The following MED13L variants were observed in gnomAD, a reference collection of about 807,000 sequenced individuals.
MED13L encodes mediator of RNA polymerase II transcription subunit 13-like.
In MED13L, 7 loss-of-function variants were observed where a neutral mutation model predicts 220.9. The observed-to-expected ratio is 0.03, with a 90% CI of 0.02 to 0.06. The LOEUF is 0.06. Among genes scored for constraint, MED13L ranks in the 10% least tolerant of loss-of-function variants. The probability of loss-of-function intolerance (pLI) is 1.00; values close to 1 mark genes in which losing one functional copy is unlikely to be tolerated. For missense variants in MED13L, 1,965 were observed against 2,760.5 expected (o/e 0.71, Z 6.46); for synonymous variants, 1,011 against 1,015.2 (o/e 1.00, Z 0.08).
chr12:116,166,477 G>A (rs1460082695), intron 2 of MED13L, among the ~76,000 whole-genome samples: 3 of 151,964 alleles, frequency 2.0e-5, no homozygotes, highest in Non-Finnish European at 4.4e-5. Flanking sequence ...CCAACTACTC[G>A]GGAGGCTAAG....
intron 1 of MED13L, among the ~76,000 whole-genome samples, chr12:116,275,304 C>T (rs1471494988): frequency 1.3e-5 from 2 of 151,980 alleles, no homozygotes; most frequent in Non-Finnish European, 2.9e-5. Flanking sequence ...GGGTTTTACT[C>T]CCACATACCA....
chr12:116,196,310 C>T (rs1486356745), intron 2 of MED13L, among the ~76,000 whole-genome samples: 1 of 152,034 alleles, frequency 6.6e-6, no homozygotes, highest in African/African-American at 2.4e-5. Context: ...CCCAAGAACA[C>T]CACAGAGGTC....
chr12:116,007,698 T>A, intron 10 of MED13L, 62 bp from the exon 11 acceptor site: 1 of 1,458,384 alleles, frequency 6.9e-7, no homozygotes, highest in Non-Finnish European at 9.4e-7. Flanking sequence ...TTACAAAGTT[T>A]AAACTTTTTG....
chr12:116,228,312 A>T (rs1199286836), intron 2 of MED13L, among the ~76,000 whole-genome samples: 1 of 152,142 alleles, frequency 6.6e-6, no homozygotes, highest in Admixed American at 6.5e-5. Context: ...ACTAAACAAC[A>T]GGTTTTATTT....
At chr12:116,254,753 G>A (rs1208922695) in intron 1 of MED13L, among the ~76,000 whole-genome samples, 1 of 151,804 alleles carries the variant, frequency 6.6e-6, no homozygotes, top group Non-Finnish European at 1.5e-5. Context: ...GAGACTCTGT[G>A]TCCAAAGGGG....
chr12:116,128,279 C>T (rs1345133262), intron 2 of MED13L, among the ~76,000 whole-genome samples: 1 of 152,000 alleles, frequency 6.6e-6, no homozygotes, highest in African/African-American at 2.4e-5. Context: ...CAAAGTGGAG[C>T]AAAATGCAAC....
At chr12:116,089,518 C>T (rs929978664) in intron 4 of MED13L, among the ~76,000 whole-genome samples, 2 of 152,040 alleles carry the variant, frequency 1.3e-5, no homozygotes, top group African/African-American at 4.8e-5. Context: ...ATAGAGGTGG[C>T]AGAAATATAT....
intron 1 of MED13L, among the ~76,000 whole-genome samples, chr12:116,271,040 C>CATAAAAAA (rs1873274756): frequency 3.3e-5 from 1 of 30,090 alleles, no homozygotes; most frequent in East Asian, 1.1e-3. Context: ...GACTCCGTCT[C>CATAAAAAA]AAAAAAAAAA....
intron 14 of MED13L, among the ~76,000 whole-genome samples, chr12:115,997,486 A>T (rs1878479699): frequency 6.6e-6 from 1 of 152,194 alleles, no homozygotes; most frequent in Non-Finnish European, 1.5e-5. Context: ...CAGTGGCCTG[A>T]TCTTGACTCA....
chr12:116,014,857 G>A (rs1056122813), intron 8 of MED13L, among the ~76,000 whole-genome samples: 1 of 152,026 alleles, frequency 6.6e-6, no homozygotes, highest in African/African-American at 2.4e-5. Flanking sequence ...AAAATATTAG[G>A]TCAACACCAT....
At chr12:116,231,284 G>T (rs1869534022) in intron 2 of MED13L, among the ~76,000 whole-genome samples, 1 of 152,090 alleles carries the variant, frequency 6.6e-6, no homozygotes, top group Non-Finnish European at 1.5e-5. Context: ...CTTAATCAAG[G>T]GATCAAGCTC....
chr12:116,029,574 G>A (rs1880603387), intron 4 of MED13L, among the ~76,000 whole-genome samples: 1 of 152,026 alleles, frequency 6.6e-6, no homozygotes, highest in Non-Finnish European at 1.5e-5. Flanking sequence ...TATGCCAGAT[G>A]AATTCTAACA....
At chr12:116,112,280 T>C (rs1231903479) in intron 2 of MED13L, among the ~76,000 whole-genome samples, 2 of 152,174 alleles carry the variant, frequency 1.3e-5, no homozygotes, top group Non-Finnish European at 2.9e-5. Flanking sequence ...ACTAGTTCAA[T>C]GCAAGACAGC....
At chr12:116,117,666 AC>A (rs1482912546) in intron 2 of MED13L, among the ~76,000 whole-genome samples, 7 of 151,872 alleles carry the variant, frequency 4.6e-5, no homozygotes, top group Admixed American at 2.0e-4. Context: ...AGTATTAAAA[AC>A]AAAAAAAAAA....
chr12:116,021,875 T>C (rs1431465264), intron 5 of MED13L, among the ~76,000 whole-genome samples: 1 of 152,172 alleles, frequency 6.6e-6, no homozygotes, highest in Non-Finnish European at 1.5e-5. Flanking sequence ...TGGTGATATA[T>C]AGGTGGTAAA....
intron 13 of MED13L, 134 bp from the exon 14 acceptor site, chr12:116,003,236 C>A: frequency 1.4e-6 from 1 of 732,872 alleles, no homozygotes; most frequent in Non-Finnish European, 2.4e-6. Flanking sequence ...CTAGAAATAC[C>A]AACAGATAGT....
At chr12:116,226,694 C>A (rs1488004619) in intron 2 of MED13L, among the ~76,000 whole-genome samples, 2 of 152,092 alleles carry the variant, frequency 1.3e-5, no homozygotes, top group African/African-American at 2.4e-5. Flanking sequence ...CATGGTGAAA[C>A]CCCATCTCTA....
At chr12:116,116,956 G>A (rs1009217180) in intron 2 of MED13L, among the ~76,000 whole-genome samples, 9 of 149,852 alleles carry the variant, frequency 6.0e-5, no homozygotes, top group African/African-American at 1.5e-4. Flanking sequence ...AGGAAAAAAC[G>A]AACTCTTTTT....
chr12:116,033,775 T>C (rs946695718), intron 4 of MED13L, among the ~76,000 whole-genome samples: 1 of 152,196 alleles, frequency 6.6e-6, no homozygotes. Context: ...TGTGTGTACA[T>C]ATATTCCTTT....
Sources: gnomAD v4.1 joint callset for allele counts (sites outside exome capture counted in the v4.1 genomes callset) on GRCh38, gnomAD v4.1.1 for gene constraint, MANE v1.5 for transcripts, NCBI Gene and HGNC (gene_info 2026-07-23, HGNC 2026-07-21) for gene names.